The following TSPAN7 variants were observed in gnomAD, a reference collection of about 807,000 sequenced individuals.
The protein encoded by TSPAN7 is tetraspanin-7.
In TSPAN7, 1 loss-of-function variant was observed where a neutral mutation model predicts 17.6. The ratio of observed to expected loss-of-function variants is 0.06; its 90% CI spans 0.02 to 0.27. The LOEUF (loss-of-function observed/expected upper bound fraction) is 0.27, where lower values mean the gene tolerates loss of function less well. TSPAN7 is among the 10% of genes least tolerant of loss of function. TSPAN7 has a pLI of 1.00. For missense variants in TSPAN7, 112 were observed against 201.7 expected, an observed-to-expected ratio of 0.56 and a Z score of 2.69; for synonymous variants, 78 against 79.0, an observed-to-expected ratio of 0.99 and a Z score of 0.07.
intron 1 of TSPAN7, among the ~76,000 whole-genome samples, chrX:38,587,358 T>G (rs1263499075): frequency 5.3e-5 from 6 of 112,381 alleles, no homozygotes; most frequent in Non-Finnish European, 1.1e-4. Flanking sequence ...TGCTTTGTTG[T>G]GGAGAGTCTA....
chrX:38,686,506 G>A (rs765053134), intron 6 of TSPAN7, among the ~76,000 whole-genome samples: 3 of 111,957 alleles, frequency 2.7e-5, no homozygotes, highest in Non-Finnish European at 3.8e-5. Context: ...GGTCTGGGGC[G>A]AGATCTGAGA....
intron 1 of TSPAN7, among the ~76,000 whole-genome samples, chrX:38,562,738 G>A (rs978793093): frequency 2.7e-5 from 3 of 111,302 alleles, no homozygotes; most frequent in Non-Finnish European, 5.7e-5. Flanking sequence ...CGGTGACCCC[G>A]TCTTCCCTAG....
chrX:38,612,470 G>A (rs1035088542), intron 1 of TSPAN7: 9 of 111,983 alleles, frequency 8.0e-5, no homozygotes, highest in African/African-American at 2.9e-4. Flanking sequence ...TGTGATGAAA[G>A]TTCTCAGTGT....
chrX:38,637,956 G>T (rs146781026), intron 1 of TSPAN7, among the ~76,000 whole-genome samples: 481 of 111,675 alleles, frequency 4.3e-3, no homozygotes, highest in Non-Finnish European at 7.4e-3. Flanking sequence ...AGCCCCGGGG[G>T]ACTTCACTGA....
intron 1 of TSPAN7, among the ~76,000 whole-genome samples, chrX:38,656,480 C>T (rs765275565): frequency 5.5e-4 from 61 of 111,547 alleles, no homozygotes; most frequent in African/African-American, 1.8e-3. Flanking sequence ...CTGCTAATGG[C>T]GCTAAGACTG....
At chrX:38,586,009 A>G (rs1248812121) in intron 1 of TSPAN7, among the ~76,000 whole-genome samples, 1 of 112,779 alleles carries the variant, frequency 8.9e-6, no homozygotes, top group African/African-American at 3.2e-5. Flanking sequence ...GTATTCCTTT[A>G]TAGCAATGCA....
At chrX:38,569,938 G>T (rs1160056247) in intron 1 of TSPAN7, among the ~76,000 whole-genome samples, 3 of 111,723 alleles carry the variant, frequency 2.7e-5, no homozygotes, top group Admixed American at 9.5e-5. Flanking sequence ...ATAAATATTG[G>T]TACCCAGTTT....
rs762008206 is a variant in TSPAN7 at position 38,675,817 on chromosome X, A to T, written c.554A>T (p.Asp185Val). 3.3e-6 allele frequency: 4 copies of T among 1,209,721 alleles called. No homozygotes were observed. The highest frequency in any genetic ancestry group is 4.5e-6 in the Non-Finnish European group (4 of 895,183). ...AACGAAACTGATTGTAATCCCCAGG[A>T]TCTACACAATCTGACTGTGGCCGCC... ...CMNETDCNPQ[D>V]LHNLTVAATK... The change falls in exon 5 of 8, where the codon GAT becomes GTT. Residue 185 changes from aspartate to valine, a missense_variant. By Grantham distance (152) the Asp-to-Val change is radical. Coordinates refer to ENST00000378482, the MANE Select transcript of TSPAN7 (RefSeq NM_004615.4).
At chrX:38,561,891 A>C (rs2069113377) in intron 1 of TSPAN7, among the ~76,000 whole-genome samples, 1 of 111,712 alleles carries the variant, frequency 9.0e-6, no homozygotes, top group Non-Finnish European at 1.9e-5. Flanking sequence ...TTCCAAAAAA[A>C]AAATGTTAAT....
intron 1 of TSPAN7, among the ~76,000 whole-genome samples, chrX:38,601,289 TAAAA>T (rs2069345497): frequency 9.0e-6 from 1 of 111,389 alleles, no homozygotes; most frequent in Non-Finnish European, 1.9e-5. Flanking sequence ...GATAATCACA[TAAAA>T]CTGCTCAAAC....
At chrX:38,671,562 T>C (rs1249829009) in intron 3 of TSPAN7, 112 bp downstream of exon 3, 2 of 752,181 alleles carry the variant, frequency 2.7e-6, no homozygotes, top group Admixed American at 2.3e-5. Flanking sequence ...TCCTCAGTGG[T>C]GTTGTTGTTT....
At chrX:38,643,340 T>A (rs2069625235) in intron 1 of TSPAN7, among the ~76,000 whole-genome samples, 1 of 110,098 alleles carries the variant, frequency 9.1e-6, no homozygotes, top group Admixed American at 9.7e-5. Flanking sequence ...AGGGGGGGAA[T>A]GTGTCTGCAA....
chrX:38,663,678 A>G (rs2069763956), intron 1 of TSPAN7, among the ~76,000 whole-genome samples: 1 of 112,532 alleles, frequency 8.9e-6, no homozygotes, highest in Admixed American at 9.4e-5. Context: ...TGATTGCATT[A>G]GGATAAATTA....
intron 6 of TSPAN7, 60 bp from the exon 7 acceptor site, chrX:38,687,539 T>G: frequency 2.1e-5 from 22 of 1,033,182 alleles, no homozygotes; most frequent in Non-Finnish European, 2.9e-5. Context: ...TAATTAAATA[T>G]TAAAAGGGTG....
intron 1 of TSPAN7, among the ~76,000 whole-genome samples, chrX:38,564,169 TA>T (rs1400147583): frequency 4.8e-5 from 5 of 103,223 alleles, no homozygotes; most frequent in Non-Finnish European, 3.9e-5. Context: ...CTGCCAGCCC[TA>T]AGCAACCACT....
At chrX:38,649,960 C>T (rs926838138) in intron 1 of TSPAN7, among the ~76,000 whole-genome samples, 1 of 111,897 alleles carries the variant, frequency 8.9e-6, no homozygotes, top group African/African-American at 3.2e-5. Context: ...TGAGACAGGC[C>T]CCTCAGATTC....
intron 1 of TSPAN7, among the ~76,000 whole-genome samples, chrX:38,657,895 T>A (rs746210342): frequency 8.9e-6 from 1 of 112,274 alleles, no homozygotes; most frequent in East Asian, 2.8e-4. Context: ...TTTCATATTT[T>A]CAAAAGCATC....
intron 1 of TSPAN7, among the ~76,000 whole-genome samples, chrX:38,605,893 C>T (rs1209274984): frequency 9.4e-6 from 1 of 105,916 alleles, no homozygotes; most frequent in East Asian, 3.0e-4. Context: ...TTCCTTACAC[C>T]TTATACAAAA....
chrX:38,601,986 C>T (rs2069349500), intron 1 of TSPAN7, among the ~76,000 whole-genome samples: 1 of 111,844 alleles, frequency 8.9e-6, no homozygotes, highest in Non-Finnish European at 1.9e-5. Context: ...CCATGTCTCA[C>T]TGACCAAAGC....
Sources: allele counts gnomAD v4.1 joint callset (sites outside exome capture counted in the v4.1 genomes callset), GRCh38; gene constraint gnomAD v4.1.1; transcripts MANE v1.5; gene names NCBI Gene and HGNC (gene_info 2026-07-23, HGNC 2026-07-21).